Variants in SLC26A8 observed in about 807,000 individuals in gnomAD.
The protein encoded by SLC26A8 is testis anion transporter 1.
In SLC26A8, 70 loss-of-function variants were observed where a neutral mutation model predicts 105.0. The observed-to-expected ratio is 0.67, with a 90% CI of 0.55 to 0.81. SLC26A8 has a LOEUF of 0.81. Ranked by LOEUF, SLC26A8 falls within the 40% of genes least tolerant of loss-of-function variation. SLC26A8 has a pLI of 0.00. For missense variants in SLC26A8, 998 were observed against 1,181.8 expected, an observed-to-expected ratio of 0.84 and a Z score of 2.28; for synonymous variants, 415 against 438.3, an observed-to-expected ratio of 0.95 and a Z score of 0.66.
intron 2 of SLC26A8, among the ~76,000 whole-genome samples, chr6:36,014,973 G>T (rs986769521): frequency 6.6e-6 from 1 of 152,160 alleles, no homozygotes; most frequent in African/African-American, 2.4e-5. Flanking sequence ...TACGAGGCAG[G>T]TGCTATTATC....
At chr6:35,977,433 G>T in intron 8 of SLC26A8, 82 bp from the exon 9 acceptor site, 10 of 1,276,816 alleles carry the variant, frequency 7.8e-6, no homozygotes, top group Non-Finnish European at 1.1e-5. Context: ...ACACTGGGCT[G>T]TCCTGATTCT....
intron 3 of SLC26A8, among the ~76,000 whole-genome samples, chr6:36,004,607 C>CTGTGTATGCACTCCATTATAATGTTGTA (rs1761629857): frequency 6.6e-6 from 1 of 151,880 alleles, no homozygotes; most frequent in African/African-American, 2.4e-5. Context: ...CTTTAATATA[C>CTGTGTATGCACTCCATTATAATGTTGTA]TGTGTATGCA....
chr6:35,979,007 A>ATTTTTT lies in SLC26A8; in HGVS notation c.1026-1662_1026-1657dup, dbSNP rs34335766. On this transcript the variant is annotated intron_variant, in intron 8 of 19. Coordinates refer to ENST00000490799, the MANE Select transcript of SLC26A8 (RefSeq NM_052961.4). ...AGATACATGCAACCACACCTGGCTA[A>ATTTTTT]TTTTTTTTTTTTTTTTTTTTTTTTT... Among the ~76,000 whole-genome samples the ATTTTTT allele has an allele frequency of 1.1e-3, 106 of 98,344 alleles. 1 individual carries two copies. The highest frequency in any genetic ancestry group is 6.5e-3 in the South Asian group (19 of 2,924). 64.5% of individuals were successfully genotyped at this position (98,344 alleles called of 152,430 possible). A position where few individuals can be genotyped will look rare whatever the true frequency, so the allele number is the denominator to read the frequency against.
chr6:36,000,926 C>T (rs1056781679), intron 3 of SLC26A8, among the ~76,000 whole-genome samples: 1 of 152,196 alleles, frequency 6.6e-6, no homozygotes, highest in African/African-American at 2.4e-5. Context: ...TCCTCTCTCA[C>T]CCTATATTAC....
chr6:35,997,420 T>G (rs529388427), intron 5 of SLC26A8, among the ~76,000 whole-genome samples: 1 of 152,228 alleles, frequency 6.6e-6, no homozygotes, highest in Non-Finnish European at 1.5e-5. Context: ...TGTCTTCTTT[T>G]GCAACTGGTC....
chr6:35,988,987 C>T (rs956683398), intron 7 of SLC26A8, among the ~76,000 whole-genome samples: 1 of 151,782 alleles, frequency 6.6e-6, no homozygotes. Context: ...ACTATGGGCG[C>T]CTGCCACCTC....
intron 5 of SLC26A8, among the ~76,000 whole-genome samples, chr6:35,995,013 A>G (rs1198780650): frequency 6.6e-6 from 1 of 152,232 alleles, no homozygotes; most frequent in East Asian, 1.9e-4. Context: ...TGGGCAAGTT[A>G]ACTCTTTGAA....
intron 3 of SLC26A8, among the ~76,000 whole-genome samples, chr6:36,008,703 A>T (rs1385412787): frequency 6.6e-6 from 1 of 152,242 alleles, no homozygotes; most frequent in African/African-American, 2.4e-5. Context: ...ATTTAACTAG[A>T]ACATGGGCAA....
chr6:35,998,734 T>A (rs914683818), intron 4 of SLC26A8, among the ~76,000 whole-genome samples: 1 of 152,108 alleles, frequency 6.6e-6, no homozygotes, highest in African/African-American at 2.4e-5. Flanking sequence ...TTACCTAACA[T>A]AAATAAATCT....
intron 7 of SLC26A8, among the ~76,000 whole-genome samples, chr6:35,991,099 A>G (rs1353876331): frequency 6.6e-6 from 1 of 152,092 alleles, no homozygotes; most frequent in Non-Finnish European, 1.5e-5. Flanking sequence ...CAAGGCGAAA[A>G]CAATTAAAAA....
chr6:36,012,054 C>A (rs34143834), intron 3 of SLC26A8, among the ~76,000 whole-genome samples, 179 bp downstream of exon 3: 4 of 152,190 alleles, frequency 2.6e-5, no homozygotes, highest in African/African-American at 9.7e-5. Context: ...TAAACCAAGT[C>A]TTTTGGAACC....
chr6:35,994,767 G>C (rs530783611), intron 5 of SLC26A8, among the ~76,000 whole-genome samples: 5 of 152,118 alleles, frequency 3.3e-5, no homozygotes, highest in African/African-American at 1.2e-4. Context: ...AGTAGAGACA[G>C]GGTTTCGCCA....
intron 17 of SLC26A8, among the ~76,000 whole-genome samples, chr6:35,951,963 G>C (rs768844728): frequency 3.3e-4 from 50 of 152,180 alleles, no homozygotes; most frequent in Non-Finnish European, 7.1e-4. Flanking sequence ...ACAAACATTT[G>C]ATGAGTGGAG....
intron 11 of SLC26A8, among the ~76,000 whole-genome samples, chr6:35,964,781 C>T (rs1772440766): frequency 6.6e-6 from 1 of 151,842 alleles, no homozygotes; most frequent in South Asian, 2.1e-4. Context: ...GCCTGGCCAA[C>T]ATAGTGAAAC....
intron 3 of SLC26A8, among the ~76,000 whole-genome samples, chr6:36,006,645 T>C (rs1460688450): frequency 6.6e-6 from 1 of 152,190 alleles, no homozygotes; most frequent in Non-Finnish European, 1.5e-5. Context: ...AGAGTTTAGC[T>C]GTCTCATTGC....
chr6:36,012,323 G>A lies in SLC26A8; in HGVS notation c.238C>T (p.Leu80=). ...LRCVLTIFPF[L]EWMCMYRLKD... Reference sequence around the variant, plus strand: ...AATCGATACATACACATCCATTCTAGGAAGGGAAAGATTGTAAGCACGCAT... The same window carrying A: ...AATCGATACATACACATCCATTCTAAGAAGGGAAAGATTGTAAGCACGCAT... The change falls in exon 3 of 20, where the codon CTA becomes TTA. Residue 80 remains leucine (L), a synonymous_variant. Transcript: ENST00000490799. 6.2e-7 allele frequency: 1 copy of A among 1,608,242 alleles called. No homozygotes were observed. The highest frequency in any genetic ancestry group is 8.5e-7 in the Non-Finnish European group (1 of 1,178,022).
At chr6:36,005,329 T>C (rs1224002589) in intron 3 of SLC26A8, among the ~76,000 whole-genome samples, 1 of 152,192 alleles carries the variant, frequency 6.6e-6, no homozygotes, top group African/African-American at 2.4e-5. Flanking sequence ...TATTTGAATC[T>C]CATCAGTTTT....
intron 10 of SLC26A8, among the ~76,000 whole-genome samples, chr6:35,975,056 C>T (rs777884027): frequency 6.6e-6 from 1 of 152,110 alleles, no homozygotes; most frequent in Non-Finnish European, 1.5e-5. Flanking sequence ...CCACACTTGG[C>T]CAGTTTACCT....
chr6:35,960,670 AAAAAT>A (rs1189539652), intron 14 of SLC26A8, 168 bp downstream of exon 14: 1 of 674,380 alleles, frequency 1.5e-6, no homozygotes, highest in Non-Finnish European at 2.5e-6. Flanking sequence ...CTCCAAAAAA[AAAAAT>A]AAAAACAAAG....
Sources: allele counts gnomAD v4.1 joint callset (sites outside exome capture counted in the v4.1 genomes callset), GRCh38; gene constraint gnomAD v4.1.1; transcripts MANE v1.5; gene names NCBI Gene and HGNC (gene_info 2026-07-23, HGNC 2026-07-21).